The following PTPRT variants were observed in gnomAD, a reference collection of about 807,000 sequenced individuals.
The protein encoded by PTPRT is protein tyrosine phosphatase receptor type T.
A neutral mutation model predicts 176.8 loss-of-function variants in PTPRT; 56 were observed. That is an observed-to-expected ratio of 0.32 (90% CI 0.26 to 0.40). The LOEUF (loss-of-function observed/expected upper bound fraction) is 0.40. PTPRT is among the 10% of genes least tolerant of loss of function. The pLI is 1.00. For synonymous variants in PTPRT, 783 were observed against 739.0 expected (o/e 1.06, Z -0.96); for missense variants, 1,540 against 1,908.2 (o/e 0.81, Z 3.60).
At chr20:42,866,150 C>G (rs567030537) in intron 2 of PTPRT, among the ~76,000 whole-genome samples, 116 of 152,318 alleles carry the variant, frequency 7.6e-4, no homozygotes, top group African/African-American at 2.5e-3. Flanking sequence ...GATGTTCAGT[C>G]TACCTGCTCA....
intron 7 of PTPRT, among the ~76,000 whole-genome samples, chr20:42,530,829 G>A (rs1428130270): frequency 6.6e-6 from 1 of 152,146 alleles, no homozygotes. Context: ...GTGGGATAGT[G>A]GCCAAGTATT....
chr20:43,129,002 CAT>C (rs2013551853), intron 1 of PTPRT, among the ~76,000 whole-genome samples: 5 of 152,158 alleles, frequency 3.3e-5, no homozygotes. Context: ...GTTTTCTATC[CAT>C]CTGGCCTACA....
intron 1 of PTPRT, among the ~76,000 whole-genome samples, chr20:43,121,610 T>C (rs920526113): frequency 6.6e-5 from 10 of 152,242 alleles, no homozygotes; most frequent in African/African-American, 2.4e-4. Flanking sequence ...TCCATTTGAA[T>C]ATCCTCCCTG....
chr20:42,883,828 ACACACCCC>A, intron 2 of PTPRT, among the ~76,000 whole-genome samples: 1 of 105,730 alleles, frequency 9.5e-6, no homozygotes, highest in Middle Eastern at 5.1e-3. Flanking sequence ...ATGCACACAC[ACACACCCC>A]CATACACATA....
chr20:42,925,562 C>A (rs1979428696), intron 1 of PTPRT, among the ~76,000 whole-genome samples: 1 of 152,100 alleles, frequency 6.6e-6, no homozygotes, highest in Non-Finnish European at 1.5e-5. Context: ...GATGCCCTGC[C>A]CACACACTAC....
intron 7 of PTPRT, among the ~76,000 whole-genome samples, chr20:42,495,472 C>T (rs2071637106): frequency 6.6e-6 from 1 of 152,118 alleles, no homozygotes; most frequent in Non-Finnish European, 1.5e-5. Flanking sequence ...ATGCACCTGG[C>T]ATCCTACCCT....
chr20:42,833,344 A>G (rs1235132422), intron 2 of PTPRT, among the ~76,000 whole-genome samples: 1 of 151,776 alleles, frequency 6.6e-6, no homozygotes, highest in East Asian at 1.9e-4. Flanking sequence ...GGCTGAGACA[A>G]GAGGATCGCC....
chr20:42,453,383 A>G (rs2070865716), intron 8 of PTPRT, among the ~76,000 whole-genome samples: 1 of 149,808 alleles, frequency 6.7e-6, no homozygotes, highest in South Asian at 2.1e-4. Flanking sequence ...CATTTCTAGG[A>G]CTTTATTATT....
chr20:42,638,311 G>T (rs2074654839), intron 7 of PTPRT, among the ~76,000 whole-genome samples: 1 of 152,090 alleles, frequency 6.6e-6, no homozygotes, highest in Non-Finnish European at 1.5e-5. Flanking sequence ...ACTTCAGGAT[G>T]TCCATTTAGC....
chr20:42,343,911 T>G (rs1168053060), intron 11 of PTPRT, among the ~76,000 whole-genome samples: 1 of 152,228 alleles, frequency 6.6e-6, no homozygotes, highest in Non-Finnish European at 1.5e-5. Context: ...TGTTTCTGTT[T>G]TGTTTTGAGA....
intron 1 of PTPRT, among the ~76,000 whole-genome samples, chr20:42,929,883 T>C (rs1979724520): frequency 6.6e-6 from 1 of 152,214 alleles, no homozygotes; most frequent in Non-Finnish European, 1.5e-5. Flanking sequence ...AAACAATTTA[T>C]TAAGTACTTG....
At chr20:42,981,726 C>T (rs1021245623) in intron 1 of PTPRT, among the ~76,000 whole-genome samples, 20 of 152,198 alleles carry the variant, frequency 1.3e-4, no homozygotes, top group African/African-American at 3.4e-4. Flanking sequence ...CTACTGGACA[C>T]GCATGATTGT....
At chr20:42,109,070 T>C (rs73271475) in intron 23 of PTPRT, among the ~76,000 whole-genome samples, 20,070 of 151,860 alleles carry the variant, frequency 0.13, 2,746 homozygotes, top group African/African-American at 0.35. Context: ...ATGCAAAACA[T>C]TTAGAGAGTC....
the PTPRT span, among the ~76,000 whole-genome samples, chr20:42,062,773 G>A: frequency 6.6e-6 from 1 of 152,126 alleles, no homozygotes; most frequent in Non-Finnish European, 1.5e-5. Flanking sequence ...CTCTTTGGTT[G>A]ATTCTCCAGT....
intron 13 of PTPRT, among the ~76,000 whole-genome samples, chr20:42,252,154 C>T (rs2056559956): frequency 6.6e-6 from 1 of 152,154 alleles, no homozygotes; most frequent in Non-Finnish European, 1.5e-5. Context: ...AGGATGACCA[C>T]AAATCTTTGC....
intron 24 of PTPRT, among the ~76,000 whole-genome samples, chr20:42,106,172 G>A (rs1014130896): frequency 1.3e-5 from 2 of 152,144 alleles, no homozygotes; most frequent in Non-Finnish European, 2.9e-5. Flanking sequence ...AAACAATACC[G>A]TGACTAGAAA....
chr20:42,107,056 T>A, intron 23 of PTPRT, 135 bp from the exon 24 acceptor site: 1 of 1,153,754 alleles, frequency 8.7e-7, no homozygotes, highest in Non-Finnish European at 1.2e-6. Flanking sequence ...TTTCCTTTCT[T>A]AATATGTATA....
intron 16 of PTPRT, among the ~76,000 whole-genome samples, chr20:42,193,771 A>ATG (rs1991089682): frequency 6.6e-6 from 1 of 152,190 alleles, no homozygotes; most frequent in Non-Finnish European, 1.5e-5. Flanking sequence ...AAATTATCAG[A>ATG]GCGCATATTT....
At chr20:42,401,460 C>T (rs1468988573) in intron 9 of PTPRT, among the ~76,000 whole-genome samples, 2 of 152,012 alleles carry the variant, frequency 1.3e-5, no homozygotes, top group Admixed American at 6.6e-5. Flanking sequence ...AATTATTTTA[C>T]AGTAATAATG....
Sources: allele counts gnomAD v4.1 joint callset (sites outside exome capture counted in the v4.1 genomes callset), GRCh38; gene constraint gnomAD v4.1.1; transcripts MANE v1.5; gene names NCBI Gene and HGNC (gene_info 2026-07-23, HGNC 2026-07-21).